Variants in ARSG observed in about 807,000 individuals in gnomAD.
ARSG encodes the protein arylsulfatase G.
A neutral mutation model predicts 50.5 loss-of-function variants in ARSG; 37 were observed. The ratio of observed to expected loss-of-function variants is 0.73; its 90% CI spans 0.56 to 0.96. ARSG has a LOEUF of 0.96. Ranked by LOEUF, ARSG falls within the 50% of genes least tolerant of loss-of-function variation. The pLI is 0.00. For synonymous variants in ARSG, 225 were observed against 254.6 expected, an observed-to-expected ratio of 0.88 and a Z score of 1.11; for missense variants, 629 against 675.3, an observed-to-expected ratio of 0.93 and a Z score of 0.76.
chr17:68,279,552 G>A (rs548450770), intron 1 of ARSG, among the ~76,000 whole-genome samples: 3 of 152,080 alleles, frequency 2.0e-5, no homozygotes, highest in Admixed American at 1.3e-4. Context: ...GTCTAAATAA[G>A]GTACTATTAT....
intron 9 of ARSG, among the ~76,000 whole-genome samples, chr17:68,388,365 G>A (rs945298055): frequency 4.6e-5 from 7 of 152,060 alleles, no homozygotes; most frequent in African/African-American, 1.2e-4. Flanking sequence ...GATGCCAATC[G>A]TGTCCCCACC....
At chr17:68,346,642 G>A (rs2078516736) in intron 3 of ARSG, 1 of 1,012,432 alleles carries the variant, frequency 9.9e-7, no homozygotes, top group African/African-American at 1.7e-5. Flanking sequence ...CCCCGTAGGT[G>A]TCTCGGTGCT....
intron 8 of ARSG, among the ~76,000 whole-genome samples, chr17:68,376,735 A>G (rs932925315): frequency 2.6e-4 from 39 of 152,154 alleles, no homozygotes; most frequent in Non-Finnish European, 4.9e-4. Context: ...GCTGAGAACA[A>G]GGAGAAGGGC....
chr17:68,285,969 C>A (rs2075832489), intron 1 of ARSG, among the ~76,000 whole-genome samples: 1 of 152,116 alleles, frequency 6.6e-6, no homozygotes, highest in African/African-American at 2.4e-5. Flanking sequence ...CCATGTTGGC[C>A]AGGCCGGTCT....
intron 6 of ARSG, among the ~76,000 whole-genome samples, chr17:68,364,934 G>T (rs1339118543): frequency 3.9e-5 from 6 of 152,150 alleles, no homozygotes. Flanking sequence ...TTGGAATCTA[G>T]CCTGGCATCA....
upstream of ARSG, among the ~76,000 whole-genome samples, chr17:68,289,223 G>A (rs562457072): frequency 6.6e-5 from 10 of 152,160 alleles, 1 homozygote; most frequent in South Asian, 2.1e-3. Flanking sequence ...GCTTGAGCCC[G>A]GGAGGTCGAG....
chr17:68,434,453 G>T, the ARSG span: 1 of 1,184,598 alleles, frequency 8.4e-7, no homozygotes, highest in Non-Finnish European at 1.2e-6. Context: ...CCAGGTGAGT[G>T]GAGGGCACAG....
chr17:68,310,158 C>G (rs1314755956), intron 2 of ARSG, among the ~76,000 whole-genome samples: 1 of 151,944 alleles, frequency 6.6e-6, no homozygotes, highest in Non-Finnish European at 1.5e-5. Flanking sequence ...TCGGGTTTCT[C>G]CATGTTGGTT....
At chr17:68,352,149 GAGAGAGAGAGAGACA>G (rs2078818122) in intron 5 of ARSG, among the ~76,000 whole-genome samples, 6 of 113,638 alleles carry the variant, frequency 5.3e-5, no homozygotes, top group Non-Finnish European at 8.1e-5. Flanking sequence ...AGAGGAGAGA[GAGAGAGAGAGAGACA>G]GAGAGAGAGA....
the ARSG span, chr17:68,434,745 C>G: frequency 1.0e-6 from 1 of 959,684 alleles, no homozygotes; most frequent in Non-Finnish European, 1.6e-6. Context: ...GGAAGAACAC[C>G]ACGTTGAGCA....
At chr17:68,420,974 G>T (rs2082732739), downstream of ARSG, 1 of 156,154 alleles carries the variant, frequency 6.4e-6, no homozygotes, top group African/African-American at 2.4e-5. Context: ...GTACTCACTG[G>T]TCTCCATCTT....
At chr17:68,287,213 CAGGTGAT>C (rs1433803331), upstream of ARSG, among the ~76,000 whole-genome samples, 1 of 152,208 alleles carries the variant, frequency 6.6e-6, no homozygotes, top group Non-Finnish European at 1.5e-5. Context: ...CTCCTAACCT[CAGGTGAT>C]CTGCCTGCTT....
chr17:68,299,277 A>C (rs569969252), intron 1 of ARSG, among the ~76,000 whole-genome samples: 151 of 151,776 alleles, frequency 9.9e-4, no homozygotes, highest in Non-Finnish European at 1.9e-3. Context: ...GCTAATTTTT[A>C]TATTTTTAGT....
At chr17:68,421,452 A>G (rs2082766095), downstream of ARSG, 1 of 333,070 alleles carries the variant, frequency 3.0e-6, no homozygotes, top group African/African-American at 2.0e-5. Flanking sequence ...CATTTTTTAC[A>G]CGGCATATAT....
chr17:68,445,056 G>A, the ARSG span, among the ~76,000 whole-genome samples: 506 of 151,778 alleles, frequency 3.3e-3, 4 homozygotes, highest in African/African-American at 0.012. Flanking sequence ...GAGTAGCTGG[G>A]ATTACATGCA....
chr17:68,413,119 C>T (rs1456236927), intron 11 of ARSG, among the ~76,000 whole-genome samples: 1 of 152,048 alleles, frequency 6.6e-6, no homozygotes, highest in African/African-American at 2.4e-5. Context: ...CTTCTCTCAG[C>T]TCGTCAAAGT....
intron 8 of ARSG, among the ~76,000 whole-genome samples, chr17:68,373,069 G>GT (rs112685432): frequency 0.33 from 48,744 of 148,574 alleles, 8,410 homozygotes; most frequent in African/African-American, 0.39. Flanking sequence ...TTTTTTGTTT[G>GT]TTTTTTTTTG....
At chr17:68,291,992 T>G (rs1271056133) in intron 1 of ARSG, among the ~76,000 whole-genome samples, 1 of 151,976 alleles carries the variant, frequency 6.6e-6, no homozygotes, top group East Asian at 1.9e-4. Flanking sequence ...GCGCGGCGCC[T>G]GAGTTCCTCC....
At chr17:68,353,884 T>G (rs1159989023) in intron 5 of ARSG, among the ~76,000 whole-genome samples, 3 of 151,910 alleles carry the variant, frequency 2.0e-5, no homozygotes, top group African/African-American at 7.3e-5. Flanking sequence ...GTATTTTTAG[T>G]AGAGATGGGG....
Sources: allele counts gnomAD v4.1 joint callset (sites outside exome capture counted in the v4.1 genomes callset), GRCh38; gene constraint gnomAD v4.1.1; transcripts MANE v1.5; gene names NCBI Gene and HGNC (gene_info 2026-07-23, HGNC 2026-07-21).